The following DLEU7 variants were observed in gnomAD, a reference collection of about 807,000 sequenced individuals.
DLEU7 encodes leukemia-associated protein 7.
Under a neutral mutation model 16.0 loss-of-function variants are expected in DLEU7, and 17 were observed. The ratio of observed to expected loss-of-function variants is 1.06; its 90% CI spans 0.73 to 1.59. The LOEUF (loss-of-function observed/expected upper bound fraction) is 1.59, where lower values mean the gene tolerates loss of function less well. Ranked by LOEUF, DLEU7 falls within the 40% of genes most tolerant of loss-of-function variation. The probability of loss-of-function intolerance (pLI) is 0.00; values close to 1 mark genes in which losing one functional copy is unlikely to be tolerated. For synonymous variants in DLEU7, 113 were observed against 139.8 expected (o/e 0.81, Z 1.35); for missense variants, 308 against 314.9 (o/e 0.98, Z 0.17).
At chr13:50,760,920 T>C (rs796740) in intron 1 of DLEU7, among the ~76,000 whole-genome samples, 71,424 of 151,954 alleles carry the variant, frequency 0.47, 17,764 homozygotes, top group African/African-American at 0.62. Context: ...TATGATTCAT[T>C]TGGGGCAATG....
chr13:50,810,290 C>T (rs1470866777), intron 1 of DLEU7, among the ~76,000 whole-genome samples: 1 of 151,810 alleles, frequency 6.6e-6, no homozygotes, highest in Non-Finnish European at 1.5e-5. Flanking sequence ...GGATTTGGCC[C>T]AGCCTTACAG....
Position 50,796,808 on chromosome 13 carries a change from G to A in DLEU7, c.459+46380C>T, listed in dbSNP as rs558213955. ...GAGGTTTATGAAGACCCTAATAAGA[G>A]CAGAGGCATCAGATAGAAGGAAAAC... On this transcript the variant is annotated intron_variant, in intron 1 of 1. Coordinates refer to the DLEU7 transcript ENST00000400393. Among the ~76,000 whole-genome samples, 15 of 152,208 alleles carry A rather than the reference G, an allele frequency of 9.9e-5. No homozygotes were observed. The South Asian group carries it at 2.9e-3, about 29-fold the overall frequency.
chr13:50,740,652 A>G (rs775028035), intron 1 of DLEU7, among the ~76,000 whole-genome samples: 1 of 152,140 alleles, frequency 6.6e-6, no homozygotes, highest in Non-Finnish European at 1.5e-5. Context: ...CTATGGTTCT[A>G]AAGGAAGCCT....
At chr13:50,713,939 G>A (rs1194494089) in intron 1 of DLEU7, among the ~76,000 whole-genome samples, 1 of 152,174 alleles carries the variant, frequency 6.6e-6, no homozygotes, top group Non-Finnish European at 1.5e-5. Flanking sequence ...CCCGGACCGG[G>A]CAGTAGGGCC....
intron 1 of DLEU7, among the ~76,000 whole-genome samples, chr13:50,806,997 A>AAAAAAAAC (rs1412198756): frequency 6.6e-6 from 1 of 150,892 alleles, no homozygotes; most frequent in African/African-American, 2.4e-5. Flanking sequence ...AAAAAAAAAA[A>AAAAAAAAC]AGTCGGTCTG....
chr13:50,842,718 C>G (rs1877711142), intron 1 of DLEU7, among the ~76,000 whole-genome samples: 2 of 152,158 alleles, frequency 1.3e-5, no homozygotes, highest in South Asian at 4.1e-4. Context: ...AATAGTGATT[C>G]ATGAATGTGA....
At chr13:50,761,468 C>T (rs1874929170) in intron 1 of DLEU7, among the ~76,000 whole-genome samples, 1 of 152,008 alleles carries the variant, frequency 6.6e-6, no homozygotes, top group Admixed American at 6.6e-5. Flanking sequence ...GGGGCAAGGA[C>T]ATGTGGGATC....
intron 1 of DLEU7, among the ~76,000 whole-genome samples, chr13:50,743,258 T>C (rs1295931572): frequency 6.6e-6 from 1 of 151,462 alleles, no homozygotes; most frequent in Non-Finnish European, 1.5e-5. Context: ...GGTGGACAGG[T>C]TGTATGTGCA....
intron 1 of DLEU7, among the ~76,000 whole-genome samples, chr13:50,826,910 A>G (rs1176676492): frequency 2.0e-5 from 3 of 152,158 alleles, no homozygotes; most frequent in African/African-American, 4.8e-5. Context: ...TATTCCTACC[A>G]AACTATCATT....
intron 1 of DLEU7, among the ~76,000 whole-genome samples, chr13:50,785,811 C>T (rs1875781631): frequency 2.6e-5 from 4 of 152,162 alleles, no homozygotes; most frequent in Admixed American, 2.6e-4. Context: ...CAACACTTGC[C>T]AAATGTTCTC....
At chr13:50,724,270 G>C (rs766533408) in intron 1 of DLEU7, among the ~76,000 whole-genome samples, 4 of 152,092 alleles carry the variant, frequency 2.6e-5, no homozygotes, top group Admixed American at 6.6e-5. Flanking sequence ...TCAAAATAAT[G>C]ATCACAGGCT....
At chr13:50,779,991 G>C (rs1875607776) in intron 1 of DLEU7, among the ~76,000 whole-genome samples, 1 of 152,102 alleles carries the variant, frequency 6.6e-6, no homozygotes, top group South Asian at 2.1e-4. Context: ...TGTGTTAACA[G>C]CTTAACAGAG....
At chr13:50,752,449 C>T (rs559875894) in intron 1 of DLEU7, among the ~76,000 whole-genome samples, 10 of 148,410 alleles carry the variant, frequency 6.7e-5, no homozygotes, top group South Asian at 4.3e-4. Context: ...GTGTTGTGTC[C>T]GGAATTGGTG....
intron 1 of DLEU7, among the ~76,000 whole-genome samples, chr13:50,833,568 A>C (rs956956793): frequency 3.9e-5 from 6 of 152,366 alleles, no homozygotes; most frequent in Admixed American, 1.3e-4. Flanking sequence ...AAAACATTCC[A>C]TGCTCATGGA....
intron 1 of DLEU7, among the ~76,000 whole-genome samples, chr13:50,776,542 G>A (rs993299054): frequency 5.3e-5 from 8 of 152,154 alleles, no homozygotes; most frequent in Non-Finnish European, 1.2e-4. Flanking sequence ...TGGCTCCATA[G>A]GAGGTTTGTG....
chr13:50,832,550 C>T (rs1416458814), intron 1 of DLEU7, among the ~76,000 whole-genome samples: 1 of 152,108 alleles, frequency 6.6e-6, no homozygotes, highest in Non-Finnish European at 1.5e-5. Context: ...TCTTGCTTCT[C>T]TAGTTCTTTT....
chr13:50,796,168 T>G (rs1375976284), intron 1 of DLEU7, among the ~76,000 whole-genome samples: 2 of 152,158 alleles, frequency 1.3e-5, no homozygotes, highest in Non-Finnish European at 2.9e-5. Context: ...TTATATTTTT[T>G]CCTATACTTA....
At chr13:50,770,263 T>G (rs912575178) in intron 1 of DLEU7, among the ~76,000 whole-genome samples, 1 of 152,194 alleles carries the variant, frequency 6.6e-6, no homozygotes, top group Non-Finnish European at 1.5e-5. Context: ...TACCCTTAAT[T>G]TCTTTCTCTT....
chr13:50,750,669 A>G (rs528441057), intron 1 of DLEU7, among the ~76,000 whole-genome samples: 2 of 152,008 alleles, frequency 1.3e-5, no homozygotes, highest in East Asian at 1.9e-4. Context: ...GTATATTCCT[A>G]TGTTTTTTGT....
Sources: gnomAD v4.1 joint callset for allele counts (sites outside exome capture counted in the v4.1 genomes callset) on GRCh38, gnomAD v4.1.1 for gene constraint, MANE v1.5 for transcripts, NCBI Gene and HGNC (gene_info 2026-07-23, HGNC 2026-07-21) for gene names.